Variants in PRKG1 observed in about 807,000 individuals in gnomAD.
PRKG1 encodes cGMP-dependent protein kinase 1.
In PRKG1, 35 loss-of-function variants were observed where a neutral mutation model predicts 88.1. The observed-to-expected ratio is 0.40, with a 90% CI of 0.30 to 0.53. The LOEUF is 0.53. Ranked by LOEUF, PRKG1 falls within the 20% of genes least tolerant of loss-of-function variation. The probability of loss-of-function intolerance (pLI) is 0.59; values close to 1 mark genes in which losing one functional copy is unlikely to be tolerated. For missense variants in PRKG1, 540 were observed against 839.8 expected (o/e 0.64, Z 4.41); for synonymous variants, 303 against 292.5 (o/e 1.04, Z -0.37).
At chr10:52,168,760 C>G (rs1564499613) in intron 9 of PRKG1, among the ~76,000 whole-genome samples, 1 of 150,034 alleles carries the variant, frequency 6.7e-6, no homozygotes, top group East Asian at 1.9e-4. Flanking sequence ...AGCAGGTCTT[C>G]AGGAAATAGA....
chr10:51,581,162 A>C (rs1838024261), intron 3 of PRKG1, among the ~76,000 whole-genome samples: 1 of 152,186 alleles, frequency 6.6e-6, no homozygotes. Flanking sequence ...GTAATTCTTT[A>C]ACATAACATC....
chr10:51,203,753 TTGAAA>T (rs1837972662), intron 2 of PRKG1, among the ~76,000 whole-genome samples: 1 of 152,212 alleles, frequency 6.6e-6, no homozygotes, highest in African/African-American at 2.4e-5. Flanking sequence ...TGAGGGACAA[TTGAAA>T]TGATGTGAGT....
rs1391002450 is a variant in PRKG1 at position 51,421,837 on chromosome 10, G to A, written c.479-45886G>A. Among the ~76,000 whole-genome samples the A allele has an allele frequency of 2.0e-5, 3 of 152,176 alleles. 1 individual carries two copies. The East Asian group carries it at 5.8e-4, about 29-fold the overall frequency. On this transcript the variant is annotated intron_variant, in intron 2 of 17. Transcript: ENST00000373980. ...AACACTGATATGGAAAAATACTTGT[G>A]TAGGAGTCAGGAGCTAGCCTGTTTC...
chr10:51,737,009 G>T (rs1308613727), intron 3 of PRKG1, among the ~76,000 whole-genome samples: 5 of 151,934 alleles, frequency 3.3e-5, no homozygotes, highest in Admixed American at 6.6e-5. Context: ...CAATACTTCA[G>T]CTTACATATT....
chr10:51,748,140 A>T (rs1837628429), intron 3 of PRKG1, among the ~76,000 whole-genome samples: 1 of 152,204 alleles, frequency 6.6e-6, no homozygotes, highest in Non-Finnish European at 1.5e-5. Flanking sequence ...GCTTCCAAAT[A>T]TTTCAGTGCC....
intron 2 of PRKG1, among the ~76,000 whole-genome samples, chr10:51,293,739 A>G (rs1231000786): frequency 7.9e-5 from 12 of 152,274 alleles, no homozygotes; most frequent in Admixed American, 3.9e-4. Flanking sequence ...GGGGATACCT[A>G]GAAGTGGGAT....
In PRKG1 at chr10:52,169,446, C is replaced by T. The variant is rs77994059; in HGVS notation, c.1076+7483C>T. ...GTCTCTTTTATAAGGGCACTAAGTC[C>T]CATTCCTGAGAACTTGCCCTCATGA... On this transcript the variant is annotated intron_variant, in intron 9 of 17. Transcript: ENST00000373980. Among the ~76,000 whole-genome samples the T allele has an allele frequency of 1.8e-3, 268 of 152,218 alleles. 1 individual carries two copies. The highest frequency in any genetic ancestry group is 5.4e-3 in the African/African-American group (224 of 41,546).
At chr10:52,099,297 G>A (rs765461210) in intron 7 of PRKG1, among the ~76,000 whole-genome samples, 5 of 152,074 alleles carry the variant, frequency 3.3e-5, no homozygotes, top group East Asian at 1.9e-4. Flanking sequence ...TTAAAAAAAC[G>A]CTTAAACACT....
chr10:52,007,079 A>G (rs1202629319), intron 5 of PRKG1, among the ~76,000 whole-genome samples: 1 of 152,228 alleles, frequency 6.6e-6, no homozygotes, highest in Non-Finnish European at 1.5e-5. Flanking sequence ...GCAAATGGTG[A>G]AATAATTTGT....
intron 8 of PRKG1, among the ~76,000 whole-genome samples, chr10:52,146,942 G>A (rs564018702): frequency 6.6e-6 from 1 of 152,268 alleles, no homozygotes; most frequent in East Asian, 1.9e-4. Flanking sequence ...ACATGACTGG[G>A]GTGAATCAGC....
chr10:51,220,234 A>G (rs1589254818), intron 2 of PRKG1, among the ~76,000 whole-genome samples: 1 of 152,198 alleles, frequency 6.6e-6, no homozygotes, highest in East Asian at 1.9e-4. Context: ...ACAAGGAACC[A>G]AATTCTGTCA....
intron 1 of PRKG1, among the ~76,000 whole-genome samples, chr10:51,028,051 T>C (rs1378732537): frequency 1.3e-5 from 2 of 152,176 alleles, no homozygotes; most frequent in Non-Finnish European, 2.9e-5. Flanking sequence ...AGATCTTTTT[T>C]CTTGTGAGGC....
At chr10:51,800,311 C>T (rs1839133398) in intron 3 of PRKG1, among the ~76,000 whole-genome samples, 1 of 152,042 alleles carries the variant, frequency 6.6e-6, no homozygotes, top group African/African-American at 2.4e-5. Context: ...AATACAGATG[C>T]TCCTGGACTT....
At chr10:51,736,305 G>A (rs1210647552) in intron 3 of PRKG1, among the ~76,000 whole-genome samples, 1 of 152,074 alleles carries the variant, frequency 6.6e-6, no homozygotes, top group Non-Finnish European at 1.5e-5. Context: ...TAATAGAGAT[G>A]CTGTCTCAAT....
intron 2 of PRKG1, among the ~76,000 whole-genome samples, chr10:51,428,728 G>A (rs1240129186): frequency 1.3e-5 from 2 of 152,182 alleles, no homozygotes; most frequent in African/African-American, 4.8e-5. Flanking sequence ...AAGAGGACTG[G>A]TTTGGTTTGG....
At chr10:51,267,608 A>T (rs546085270) in intron 2 of PRKG1, among the ~76,000 whole-genome samples, 1 of 152,340 alleles carries the variant, frequency 6.6e-6, no homozygotes, top group Admixed American at 6.5e-5. Context: ...AGCAAGCCAC[A>T]TGTAGAAGAA....
At chr10:51,587,934 G>A (rs1838213778) in intron 3 of PRKG1, among the ~76,000 whole-genome samples, 1 of 152,168 alleles carries the variant, frequency 6.6e-6, no homozygotes, top group Non-Finnish European at 1.5e-5. Flanking sequence ...AAACATATCT[G>A]GATTAAAACA....
At chr10:51,531,018 G>C (rs1429831984) in intron 3 of PRKG1, among the ~76,000 whole-genome samples, 1 of 152,146 alleles carries the variant, frequency 6.6e-6, no homozygotes, top group Non-Finnish European at 1.5e-5. Flanking sequence ...TTTTCTGATG[G>C]AATGGGGGTA....
chr10:51,520,409 A>G (rs2132075917), intron 3 of PRKG1, among the ~76,000 whole-genome samples: 1 of 151,336 alleles, frequency 6.6e-6, no homozygotes, highest in East Asian at 1.9e-4. Flanking sequence ...TAGATTATAT[A>G]AAGTATAAAT....
Sources: gnomAD v4.1 joint callset for allele counts (sites outside exome capture counted in the v4.1 genomes callset) on GRCh38, gnomAD v4.1.1 for gene constraint, MANE v1.5 for transcripts, NCBI Gene and HGNC (gene_info 2026-07-23, HGNC 2026-07-21) for gene names.